KCNMB2: variants seen among roughly 807,000 people sequenced by gnomAD.
The protein encoded by KCNMB2 is potassium calcium-activated channel subfamily M regulatory beta subunit 2.
A neutral mutation model predicts 24.5 loss-of-function variants in KCNMB2; 9 were observed. The observed-to-expected ratio is 0.37, with a 90% CI of 0.22 to 0.64. The LOEUF is 0.64. KCNMB2 is among the 30% of genes least tolerant of loss of function. The pLI is 0.63. For synonymous variants in KCNMB2, 109 were observed against 104.4 expected, an observed-to-expected ratio of 1.04 and a Z score of -0.27; for missense variants, 226 against 284.3, an observed-to-expected ratio of 0.79 and a Z score of 1.47.
chr3:178,561,863 G>T (rs1169112444), intron 1 of KCNMB2, among the ~76,000 whole-genome samples: 3 of 152,194 alleles, frequency 2.0e-5, no homozygotes, highest in African/African-American at 7.2e-5. Context: ...AACCAGCCAA[G>T]ACATGATGAA....
At chr3:178,598,451 C>A (rs1717957314) in intron 1 of KCNMB2, among the ~76,000 whole-genome samples, 1 of 151,868 alleles carries the variant, frequency 6.6e-6, no homozygotes, top group African/African-American at 2.4e-5. Context: ...TTTATGTACT[C>A]ATTCTGGTAA....
intron 1 of KCNMB2, among the ~76,000 whole-genome samples, chr3:178,723,143 A>G (rs900661911): frequency 2.6e-5 from 4 of 152,128 alleles, no homozygotes; most frequent in African/African-American, 9.7e-5. Context: ...CAGTAATATA[A>G]TAATATAATT....
intron 1 of KCNMB2, among the ~76,000 whole-genome samples, chr3:178,562,070 A>G (rs995747746): frequency 2.0e-5 from 3 of 152,264 alleles, no homozygotes; most frequent in East Asian, 3.8e-4. Flanking sequence ...GTAATATTGT[A>G]TATAAAGCAA....
intron 1 of KCNMB2, among the ~76,000 whole-genome samples, chr3:178,698,946 AC>A (rs1432481119): frequency 2.0e-5 from 3 of 152,228 alleles, no homozygotes; most frequent in Non-Finnish European, 4.4e-5. Flanking sequence ...TTCGGCCCCA[AC>A]TTTATTATCT....
At chr3:178,652,668 T>TG (rs1467475245) in intron 1 of KCNMB2, among the ~76,000 whole-genome samples, 1 of 151,056 alleles carries the variant, frequency 6.6e-6, no homozygotes, top group Non-Finnish European at 1.5e-5. Flanking sequence ...TATATACTTT[T>TG]TTTTTTTTTT....
intron 1 of KCNMB2, among the ~76,000 whole-genome samples, chr3:178,746,443 A>G (rs1723671253): frequency 6.6e-6 from 1 of 152,072 alleles, no homozygotes. Flanking sequence ...GCCTGTGACA[A>G]AAGGGGCTGC....
At chr3:178,803,762 T>C (rs1448120896) in intron 1 of KCNMB2, among the ~76,000 whole-genome samples, 4 of 152,142 alleles carry the variant, frequency 2.6e-5, no homozygotes, top group Non-Finnish European at 5.9e-5. Flanking sequence ...GAGGGTCATC[T>C]GAGATGGCTT....
chr3:178,816,151 A>G (rs1411908830), intron 2 of KCNMB2, among the ~76,000 whole-genome samples: 3 of 151,914 alleles, frequency 2.0e-5, no homozygotes, highest in Admixed American at 1.3e-4. Context: ...TTAATTGATG[A>G]TTCAAATTTT....
chr3:178,814,350 G>C (rs1037038960), intron 2 of KCNMB2, among the ~76,000 whole-genome samples: 2 of 152,128 alleles, frequency 1.3e-5, no homozygotes, highest in Non-Finnish European at 2.9e-5. Flanking sequence ...ATATTTGATG[G>C]TGTATATGTA....
At chr3:178,817,006 T>C (rs913518124) in intron 2 of KCNMB2, among the ~76,000 whole-genome samples, 2 of 152,040 alleles carry the variant, frequency 1.3e-5, no homozygotes, top group Non-Finnish European at 2.9e-5. Flanking sequence ...AATATTAAGA[T>C]ATCATTGGGA....
intron 1 of KCNMB2, among the ~76,000 whole-genome samples, chr3:178,682,624 T>A (rs1044405712): frequency 2.0e-5 from 3 of 152,018 alleles, no homozygotes; most frequent in Non-Finnish European, 4.4e-5. Context: ...TTTAATTCAA[T>A]ATATCTAAAA....
At chr3:178,747,439 T>TG (rs756162565) in intron 1 of KCNMB2, among the ~76,000 whole-genome samples, 2 of 152,196 alleles carry the variant, frequency 1.3e-5, no homozygotes, top group Admixed American at 6.5e-5. Context: ...ATTAGCAAAA[T>TG]GCCAGCCACT....
intron 1 of KCNMB2, among the ~76,000 whole-genome samples, chr3:178,679,279 G>A (rs957652766): frequency 4.0e-5 from 6 of 151,802 alleles, no homozygotes; most frequent in Admixed American, 6.6e-5. Context: ...CACCCAGGCT[G>A]GAGTACAGTG....
chr3:178,795,429 A>T (rs955341998), intron 1 of KCNMB2, among the ~76,000 whole-genome samples: 2 of 152,220 alleles, frequency 1.3e-5, no homozygotes, highest in African/African-American at 2.4e-5. Context: ...ATGACCACAC[A>T]TAGGAGATTA....
At chr3:178,682,451 CTA>C (rs757426374) in intron 1 of KCNMB2, among the ~76,000 whole-genome samples, 17 of 152,200 alleles carry the variant, frequency 1.1e-4, no homozygotes, top group South Asian at 1.0e-3. Flanking sequence ...CTCAAATCTT[CTA>C]TTCAGCATCT....
At chr3:178,789,350 T>C (rs148678622) in intron 1 of KCNMB2, among the ~76,000 whole-genome samples, 3 of 152,282 alleles carry the variant, frequency 2.0e-5, no homozygotes, top group African/African-American at 7.2e-5. Context: ...CAAGACAACC[T>C]AATAGAACCC....
intron 1 of KCNMB2, among the ~76,000 whole-genome samples, chr3:178,704,484 CCATATTTCAAGTGTT>C (rs1722211021): frequency 6.6e-6 from 1 of 152,126 alleles, no homozygotes; most frequent in Non-Finnish European, 1.5e-5. Flanking sequence ...GTCTCACTAG[CCATATTTCAAGTGTT>C]CCATTGTCAT....
At chr3:178,777,432 T>C (rs1425037620) in intron 1 of KCNMB2, among the ~76,000 whole-genome samples, 1 of 152,148 alleles carries the variant, frequency 6.6e-6, no homozygotes, top group Non-Finnish European at 1.5e-5. Context: ...AGACTCCGTC[T>C]CAAAAACAAA....
intron 1 of KCNMB2, among the ~76,000 whole-genome samples, chr3:178,593,521 T>A (rs1049299554): frequency 6.6e-6 from 1 of 151,906 alleles, no homozygotes; most frequent in Non-Finnish European, 1.5e-5. Flanking sequence ...GGTTTTGGAG[T>A]CCTTGAGCTG....
Sources: gnomAD v4.1 joint callset for allele counts (sites outside exome capture counted in the v4.1 genomes callset) on GRCh38, gnomAD v4.1.1 for gene constraint, MANE v1.5 for transcripts, NCBI Gene and HGNC (gene_info 2026-07-23, HGNC 2026-07-21) for gene names.